The following ZBTB16 variants were observed in gnomAD, a reference collection of about 807,000 sequenced individuals.
ZBTB16 encodes zinc finger and BTB domain-containing protein 16.
Under a neutral mutation model 56.8 loss-of-function variants are expected in ZBTB16, and 8 were observed. The ratio of observed to expected loss-of-function variants is 0.14; its 90% CI spans 0.08 to 0.25. The LOEUF (loss-of-function observed/expected upper bound fraction) is 0.25, where lower values mean the gene tolerates loss of function less well. ZBTB16 is among the 10% of genes least tolerant of loss of function. The pLI, the probability that ZBTB16 is intolerant of heterozygous loss-of-function variation, is 1.00. For synonymous variants in ZBTB16, 363 were observed against 368.5 expected, an observed-to-expected ratio of 0.98 and a Z score of 0.17; for missense variants, 625 against 903.0, an observed-to-expected ratio of 0.69 and a Z score of 3.95.
At chr11:114,170,359 C>A (rs1322173701) in intron 3 of ZBTB16, among the ~76,000 whole-genome samples, 1 of 152,244 alleles carries the variant, frequency 6.6e-6, no homozygotes, top group Admixed American at 6.5e-5. Context: ...GGACGTGCCC[C>A]AGCCCACCTC....
At chr11:114,157,228 C>T (rs530670287) in intron 3 of ZBTB16, among the ~76,000 whole-genome samples, 1 of 152,270 alleles carries the variant, frequency 6.6e-6, no homozygotes, top group East Asian at 1.9e-4. Flanking sequence ...CATATTGGCT[C>T]CAGAAACTGG....
At chr11:114,061,589 G>C (rs1938872555) in intron 1 of ZBTB16, 2 of 152,302 alleles carry the variant, frequency 1.3e-5, no homozygotes, top group African/African-American at 4.8e-5. Flanking sequence ...GAAGAGTGAG[G>C]GAGAGACCTT....
rs561718030 is a variant in ZBTB16 at position 114,077,311 on chromosome 11, C to G, written c.1268+12743C>G. Among the ~76,000 whole-genome samples the G allele has an allele frequency of 2.6e-5, 4 of 152,246 alleles. No homozygotes were observed. In the East Asian group the frequency reaches 7.7e-4, roughly 29 times the overall value. On this transcript the variant is annotated intron_variant, in intron 2 of 6. Coordinates refer to ENST00000335953, the MANE Select transcript of ZBTB16 (RefSeq NM_006006.6). ...ACTTGGAGCCACTCTCCTCTTGGTT[C>G]TTGATGTGAGTTTGCCCTTAAATAA...
intron 2 of ZBTB16, among the ~76,000 whole-genome samples, chr11:114,073,503 G>A (rs1939429933): frequency 6.6e-6 from 1 of 152,094 alleles, no homozygotes; most frequent in Non-Finnish European, 1.5e-5. Flanking sequence ...GCCTACGTGA[G>A]GCTTATCTCT....
chr11:114,182,981 A>G (rs994070981), intron 3 of ZBTB16, among the ~76,000 whole-genome samples: 5 of 152,216 alleles, frequency 3.3e-5, no homozygotes, highest in African/African-American at 1.2e-4. Flanking sequence ...CCTCTGAGCC[A>G]GCCATTACAG....
At chr11:114,222,008 C>G (rs1198411299) in intron 4 of ZBTB16, among the ~76,000 whole-genome samples, 1 of 152,130 alleles carries the variant, frequency 6.6e-6, no homozygotes, top group Admixed American at 6.5e-5. Flanking sequence ...TCCAGCTTGG[C>G]TCTGCTGTCG....
At chr11:114,151,229 A>G (rs1942271226) in intron 2 of ZBTB16, among the ~76,000 whole-genome samples, 1 of 152,174 alleles carries the variant, frequency 6.6e-6, no homozygotes, top group African/African-American at 2.4e-5. Flanking sequence ...AGAATCAGAA[A>G]GCAAAAACCC....
chr11:114,219,413 C>T (rs1373576125), intron 4 of ZBTB16, among the ~76,000 whole-genome samples: 1 of 152,126 alleles, frequency 6.6e-6, no homozygotes, highest in African/African-American at 2.4e-5. Context: ...GATTAGGGGT[C>T]TGAGTGGGTG....
chr11:114,148,393 T>TCCC (rs1942174629), intron 2 of ZBTB16, among the ~76,000 whole-genome samples: 2 of 27,436 alleles, frequency 7.3e-5, no homozygotes, highest in East Asian at 9.0e-4. Context: ...TCCTTCCTCC[T>TCCC]TCCCTCCCTC....
chr11:114,147,617 A>T (rs558652218), intron 2 of ZBTB16, among the ~76,000 whole-genome samples: 2 of 152,354 alleles, frequency 1.3e-5, no homozygotes, highest in African/African-American at 4.8e-5. Flanking sequence ...CAGAGAAGCT[A>T]TAAATCTTAA....
Position 114,196,724 on chromosome 11 carries a change from C to T in ZBTB16, c.1453+9686C>T, listed in dbSNP as rs746282327. Among the ~76,000 whole-genome samples, 62 of 152,212 alleles carry T rather than the reference C, an allele frequency of 4.1e-4. 1 individual carries two copies. Among genetic ancestry groups the T allele is most frequent in the Admixed American group, 1.0e-3 (16 of 15,286 alleles). ...TTGGGCCCTGCCTTCCTGAAGGTTA[C>T]GGTGTTATGAAGGAAATGAGCATGT... On this transcript the variant is annotated intron_variant, in intron 4 of 6. Transcript: ENST00000335953.
chr11:114,132,572 C>G (rs925175698), intron 2 of ZBTB16, among the ~76,000 whole-genome samples: 1 of 152,114 alleles, frequency 6.6e-6, no homozygotes, highest in African/African-American at 2.4e-5. Flanking sequence ...CCTGCCCCCT[C>G]GCAAGCTTGT....
rs537630897 is a variant in ZBTB16 at position 114,238,482 on chromosome 11, C to T, written c.1454-3685C>T. Among the ~76,000 whole-genome samples, 12 of 152,082 alleles carry T rather than the reference C, an allele frequency of 7.9e-5. No individual in the cohort carries two copies. The East Asian group carries it at 2.3e-3, about 29-fold the overall frequency. On this transcript the variant is annotated intron_variant, in intron 4 of 6. Transcript: ENST00000335953. ...TGCAGACTGCTGATTTCTCGGTGTC[C>T]TCACGTGGTGGAAGGGGCTAGCTAG...
In ZBTB16 at chr11:114,101,907, T is replaced by C. The variant is rs544584733; in HGVS notation, c.1268+37339T>C. On this transcript the variant is annotated intron_variant, in intron 2 of 6. Transcript: ENST00000335953. Reference sequence around the variant, plus strand: ...AGTGGTGATAAAGAAACTGATGGTATCCCAGATGGGGAGGGGCAGGTAAGG... The same window carrying C: ...AGTGGTGATAAAGAAACTGATGGTACCCCAGATGGGGAGGGGCAGGTAAGG... Among the ~76,000 whole-genome samples the C allele has an allele frequency of 2.1e-4, 32 of 152,364 alleles. No homozygotes were observed. The South Asian group carries it at 6.4e-3, about 31-fold the overall frequency.
At chr11:114,167,633 G>A (rs542097996) in intron 3 of ZBTB16, among the ~76,000 whole-genome samples, 11 of 151,946 alleles carry the variant, frequency 7.2e-5, no homozygotes, top group Non-Finnish European at 1.2e-4. Context: ...TTTGTAGGGC[G>A]TTCCCTTTTC....
At chr11:114,088,416 A>G (rs1203488433) in intron 2 of ZBTB16, among the ~76,000 whole-genome samples, 3 of 152,110 alleles carry the variant, frequency 2.0e-5, no homozygotes, top group Non-Finnish European at 2.9e-5. Context: ...TGCTAGGATT[A>G]CAGGTGTGAG....
At chr11:114,127,922 G>C (rs1279859870) in intron 2 of ZBTB16, among the ~76,000 whole-genome samples, 2 of 152,106 alleles carry the variant, frequency 1.3e-5, no homozygotes, top group Non-Finnish European at 2.9e-5. Flanking sequence ...GCAGAATCTT[G>C]GTGCCGTCTC....
intron 2 of ZBTB16, among the ~76,000 whole-genome samples, chr11:114,145,015 A>G (rs1284028864): frequency 6.6e-6 from 1 of 152,210 alleles, no homozygotes; most frequent in Non-Finnish European, 1.5e-5. Flanking sequence ...GGAACTACAT[A>G]TAAATAGCAT....
chr11:114,131,409 T>C (rs1242588174), intron 2 of ZBTB16, among the ~76,000 whole-genome samples: 2 of 152,254 alleles, frequency 1.3e-5, no homozygotes, highest in East Asian at 3.8e-4. Context: ...TCTTTTGTTT[T>C]CTCTGTTTTT....
Sources: allele counts gnomAD v4.1 joint callset (sites outside exome capture counted in the v4.1 genomes callset), GRCh38; gene constraint gnomAD v4.1.1; transcripts MANE v1.5; gene names NCBI Gene and HGNC (gene_info 2026-07-23, HGNC 2026-07-21).